Variants in PTPRG observed in about 807,000 individuals in gnomAD.
PTPRG encodes the protein protein tyrosine phosphatase receptor type G, also known as receptor-type tyrosine-protein phosphatase gamma.
PTPRG carries 102 observed loss-of-function variants against 165.3 expected under a neutral mutation model. The observed-to-expected ratio is 0.62, with a 90% CI of 0.53 to 0.73. The LOEUF is 0.73. Among genes scored for constraint, PTPRG ranks in the 30% least tolerant of loss-of-function variants. PTPRG has a pLI of 0.00. For missense variants in PTPRG, 1,866 were observed against 1,861.4 expected (o/e 1.00, Z -0.05); for synonymous variants, 675 against 669.5 (o/e 1.01, Z -0.13).
chr3:61,994,529 A>G (rs1486328684), intron 3 of PTPRG, among the ~76,000 whole-genome samples: 2 of 152,214 alleles, frequency 1.3e-5, no homozygotes, highest in Non-Finnish European at 2.9e-5. Context: ...TCACACAAGA[A>G]TCAACGGGAG....
rs192970207 is a variant in PTPRG, at chr3:62,184,948, A to C, written c.1034-6521A>C. On this transcript the variant is annotated intron_variant, in intron 8 of 29. Transcript: ENST00000474889. ...CCTTGAACTGCAGATAGTTTAAGGC[A>C]CTTGGAAATTACACTGACTTTCAGA... 7.3e-3 allele frequency among the ~76,000 whole-genome samples: 1,115 copies of C among 151,788 alleles called. 19 individuals are homozygous for C. Among genetic ancestry groups the C allele is most frequent in the Non-Finnish European group, 6.8e-3 (460 of 67,926 alleles).
chr3:61,650,776 G>A (rs1702327349), intron 1 of PTPRG, among the ~76,000 whole-genome samples: 1 of 152,166 alleles, frequency 6.6e-6, no homozygotes, highest in Non-Finnish European at 1.5e-5. Context: ...ACACTTAATT[G>A]TTTAACTCTC....
intron 4 of PTPRG, among the ~76,000 whole-genome samples, chr3:62,072,609 ATGTGTATG>A (rs894591665): frequency 1.3e-4 from 19 of 141,154 alleles, no homozygotes; most frequent in African/African-American, 5.1e-4. Flanking sequence ...GAGAATATAT[ATGTGTATG>A]TGTGTGTGTG....
rs922693522 is a variant in PTPRG at position 62,100,426 on chromosome 3, C to T, written c.615+22168C>T. 8.6e-5 allele frequency among the ~76,000 whole-genome samples: 13 copies of T among 152,020 alleles called. No individual in the cohort carries two copies. In the South Asian group the frequency reaches 1.7e-3, roughly 20 times the overall value. ...TACCCTCCTGGGATTTCCTTGTGGC[C>T]GAATGAAAACCCACCCCTACGCTGT... On this transcript the variant is annotated intron_variant, in intron 5 of 29. Coordinates refer to ENST00000474889, the MANE Select transcript of PTPRG (RefSeq NM_002841.4).
chr3:61,695,302 C>T (rs1319003096), intron 1 of PTPRG, among the ~76,000 whole-genome samples: 5 of 152,192 alleles, frequency 3.3e-5, no homozygotes, highest in East Asian at 1.9e-4. Context: ...TGAGCCACCG[C>T]GCCTGGCGTG....
chr3:61,744,665 T>C (rs142754536), intron 1 of PTPRG, among the ~76,000 whole-genome samples: 2 of 151,998 alleles, frequency 1.3e-5, no homozygotes, highest in Non-Finnish European at 2.9e-5. Context: ...GGGGGAGAGG[T>C]CACACATTAC....
chr3:61,716,855 C>A (rs968848587), intron 1 of PTPRG, among the ~76,000 whole-genome samples: 2 of 152,094 alleles, frequency 1.3e-5, no homozygotes, highest in Non-Finnish European at 2.9e-5. Context: ...ACGCGTAATC[C>A]CAGCTACTCA....
At chr3:61,834,345 G>A (rs1559638764) in intron 2 of PTPRG, among the ~76,000 whole-genome samples, 3 of 152,002 alleles carry the variant, frequency 2.0e-5, no homozygotes, top group Non-Finnish European at 4.4e-5. Flanking sequence ...TACTACCCTG[G>A]CAGGGGGTCA....
chr3:61,577,569 ATATAT>A (rs1237110245), intron 1 of PTPRG, among the ~76,000 whole-genome samples: 2 of 152,252 alleles, frequency 1.3e-5, no homozygotes, highest in Non-Finnish European at 2.9e-5. Flanking sequence ...GATATTTTAG[ATATAT>A]TAAGTAGAAA....
chr3:61,753,585 G>GATTTTTTTTTTTTTTT (rs1553660999), intron 2 of PTPRG: 1 of 325,332 alleles, frequency 3.1e-6, no homozygotes, highest in Non-Finnish European at 5.9e-6. Flanking sequence ...AAATTTGAGG[G>GATTTTTTTTTTTTTTT]TTTTTTTTTT....
intron 2 of PTPRG, among the ~76,000 whole-genome samples, chr3:61,905,855 C>G (rs1438821509): frequency 1.3e-5 from 2 of 152,224 alleles, no homozygotes; most frequent in Non-Finnish European, 2.9e-5. Flanking sequence ...CAAAATACTT[C>G]TTCTCTAGAT....
At position 61,708,803 on chromosome 3, in the gene PTPRG, T is replaced by C. The variant is rs961913944; in HGVS notation, c.86-40075T>C. On this transcript the variant is annotated intron_variant, in intron 1 of 29. Coordinates refer to ENST00000474889, the MANE Select transcript of PTPRG (RefSeq NM_002841.4). The stretch of plus-strand genomic sequence containing the variant: ...CAATGCATAAACTTTTATTTCTGAA[T>C]GGAAGATACCAGTCTGGATTCCTGA... Among the ~76,000 whole-genome samples, 5 of 152,338 alleles carry C rather than the reference T, an allele frequency of 3.3e-5. No individual in the cohort carries two copies. The East Asian group carries it at 5.8e-4, about 18-fold the overall frequency.
intron 1 of PTPRG, among the ~76,000 whole-genome samples, chr3:61,740,634 G>T (rs961983377): frequency 9.2e-5 from 14 of 151,824 alleles, no homozygotes; most frequent in African/African-American, 3.4e-4. Flanking sequence ...CTGGCTTATA[G>T]CTCATTTTTA....
intron 2 of PTPRG, among the ~76,000 whole-genome samples, chr3:61,869,369 A>G (rs1339734659): frequency 6.6e-6 from 1 of 152,196 alleles, no homozygotes; most frequent in Admixed American, 6.5e-5. Context: ...CTTTGTGAGA[A>G]ATAAAGTCAT....
chr3:61,663,004 C>T lies in PTPRG; in HGVS notation c.86-85874C>T, dbSNP rs184581328. Among the ~76,000 whole-genome samples, 30 of 152,160 alleles carry T rather than the reference C, an allele frequency of 2.0e-4. No individual in the cohort carries two copies. The East Asian group carries it at 2.3e-3, about 12-fold the overall frequency. ...TTTCACAACCATTGAAAAGAGCAGG[C>T]CAGGTATGGTGGCTCACACCTGTAA... On this transcript the variant is annotated intron_variant, in intron 1 of 29. Transcript: ENST00000474889.
At chr3:62,071,024 G>C (rs1489715651) in intron 4 of PTPRG, among the ~76,000 whole-genome samples, 1 of 151,264 alleles carries the variant, frequency 6.6e-6, no homozygotes, top group South Asian at 2.1e-4. Context: ...TAATTCTGCT[G>C]TTGCCTTTTT....
At chr3:61,933,490 G>A (rs1477859468) in intron 2 of PTPRG, among the ~76,000 whole-genome samples, 4 of 152,186 alleles carry the variant, frequency 2.6e-5, no homozygotes, top group Non-Finnish European at 5.9e-5. Flanking sequence ...TCCCCACCAA[G>A]CATACGTTGC....
intron 3 of PTPRG, among the ~76,000 whole-genome samples, chr3:61,993,744 C>G (rs1261417220): frequency 6.6e-6 from 1 of 152,044 alleles, no homozygotes; most frequent in Non-Finnish European, 1.5e-5. Context: ...TTTTGTGGAA[C>G]TTTATATTCC....
chr3:62,071,730 A>G (rs917128779), intron 4 of PTPRG, among the ~76,000 whole-genome samples: 1 of 152,196 alleles, frequency 6.6e-6, no homozygotes, highest in Non-Finnish European at 1.5e-5. Flanking sequence ...TTGAAAGACA[A>G]TTTTGAAATA....
Sources: gnomAD v4.1 joint callset for allele counts (sites outside exome capture counted in the v4.1 genomes callset) on GRCh38, gnomAD v4.1.1 for gene constraint, MANE v1.5 for transcripts, NCBI Gene and HGNC (gene_info 2026-07-23, HGNC 2026-07-21) for gene names.